FGF13: variants seen among roughly 807,000 people sequenced by gnomAD.
The protein encoded by FGF13 is fibroblast growth factor homologous factor 2.
A neutral mutation model predicts 19.5 loss-of-function variants in FGF13; 2 were observed. That is an observed-to-expected ratio of 0.10 (90% CI 0.04 to 0.32). The LOEUF (loss-of-function observed/expected upper bound fraction) is 0.32. Among genes scored for constraint, FGF13 ranks in the 10% least tolerant of loss-of-function variants. The pLI, the probability that FGF13 is intolerant of heterozygous loss-of-function variation, is 1.00. For synonymous variants in FGF13, 72 were observed against 76.9 expected (o/e 0.94, Z 0.33); for missense variants, 113 against 192.7 (o/e 0.59, Z 2.45).
intron 3 of FGF13, among the ~76,000 whole-genome samples, chrX:138,767,257 T>C (rs1390106049): frequency 8.9e-6 from 1 of 111,831 alleles, no homozygotes; most frequent in African/African-American, 3.3e-5. Context: ...AAATAAATAA[T>C]CTCACTCATA....
In FGF13 at chrX:138,633,002, A is replaced by C. The variant is rs767417759; in HGVS notation, c.602-16T>G. ...TACATGGCCACTGAAAAGCACACAA[A>C]GATGGTGTAAAAGGCCTTCAAATGG... On this transcript the variant is annotated splice_polypyrimidine_tract_variant and intron_variant, in intron 4 of 4. Transcript: ENST00000315930. 4 of 1,198,641 alleles carry C rather than the reference A, an allele frequency of 3.3e-6. No individual in the cohort carries two copies. The highest frequency in any genetic ancestry group is 4.4e-5 in the Admixed American group (2 of 45,230).
intron 1 of FGF13, among the ~76,000 whole-genome samples, chrX:138,908,238 AT>A (rs745634414): frequency 1.8e-3 from 183 of 100,572 alleles, no homozygotes; most frequent in Admixed American, 3.1e-3. Context: ...GCCCGGCTAA[AT>A]TTTTTTTTTT....
intron 3 of FGF13, among the ~76,000 whole-genome samples, chrX:138,657,510 T>C (rs939186783): frequency 1.4e-4 from 16 of 112,231 alleles, no homozygotes; most frequent in Non-Finnish European, 3.0e-4. Context: ...TCAAGCCACA[T>C]GGGTATGCAT....
At chrX:138,674,506 A>G (rs898553657) in intron 3 of FGF13, among the ~76,000 whole-genome samples, 1 of 111,133 alleles carries the variant, frequency 9.0e-6, no homozygotes, top group Non-Finnish European at 1.9e-5. Flanking sequence ...TGTGATTATT[A>G]TGAGGTCTGC....
chrX:139,108,345 C>T (rs931577517), intron 1 of FGF13, among the ~76,000 whole-genome samples: 3 of 111,518 alleles, frequency 2.7e-5, no homozygotes, highest in African/African-American at 9.8e-5. Flanking sequence ...CCTAATGTCT[C>T]GAAACCCCAG....
At chrX:139,101,474 G>A (rs917825307) in intron 1 of FGF13, among the ~76,000 whole-genome samples, 4 of 112,071 alleles carry the variant, frequency 3.6e-5, no homozygotes, top group Non-Finnish European at 7.5e-5. Context: ...ATATTTTTAC[G>A]TGTGAAACAG....
At position 138,711,588 on chromosome X, in the gene FGF13, C is replaced by T. The variant is rs983345647; in HGVS notation, c.-585G>A. 17 of 754,402 alleles carry T rather than the reference C, an allele frequency of 2.3e-5. No homozygotes were observed. Among genetic ancestry groups the T allele is most frequent in the African/African-American group, 4.6e-5 (2 of 43,653 alleles). The allele number at this position is 754,402 out of a possible 1,213,427, so 62.2% of individuals were successfully genotyped here. ...GGCGTGATAATCGGGAAAAGTTGGCCCGTGCCAGGTTTCCGACAGGGATCA... is the reference window on the plus strand; with the variant it reads ...GGCGTGATAATCGGGAAAAGTTGGCTCGTGCCAGGTTTCCGACAGGGATCA... On this transcript the variant is annotated 5_prime_UTR_variant, in exon 1 of 5. Coordinates refer to ENST00000315930, the MANE Select transcript of FGF13 (RefSeq NM_004114.5).
intron 3 of FGF13, among the ~76,000 whole-genome samples, chrX:138,673,909 A>G (rs1232747052): frequency 1.8e-5 from 2 of 111,465 alleles, no homozygotes; most frequent in African/African-American, 6.5e-5. Context: ...GTGGGTGAGT[A>G]GATATGGTGG....
intron 1 of FGF13, among the ~76,000 whole-genome samples, chrX:138,987,939 A>G (rs1442333005): frequency 2.7e-5 from 3 of 112,243 alleles, no homozygotes; most frequent in Non-Finnish European, 5.6e-5. Context: ...AATGAATTTT[A>G]TCATTACAAT....
At chrX:139,115,638 A>T (rs573249324) in intron 1 of FGF13, among the ~76,000 whole-genome samples, 1 of 112,651 alleles carries the variant, frequency 8.9e-6, no homozygotes, top group South Asian at 3.6e-4. Flanking sequence ...ACTTGAAGGA[A>T]ACATATTTAA....
At chrX:138,859,644 G>C (rs989921892) in intron 2 of FGF13, among the ~76,000 whole-genome samples, 4 of 111,867 alleles carry the variant, frequency 3.6e-5, no homozygotes, top group Non-Finnish European at 7.5e-5. Flanking sequence ...TTTCCCAGCT[G>C]GTCATTAATT....
chrX:139,004,350 G>A (rs760902429), intron 1 of FGF13, among the ~76,000 whole-genome samples: 74 of 112,937 alleles, frequency 6.6e-4, no homozygotes, highest in African/African-American at 2.2e-3. Flanking sequence ...ACGCCCACCC[G>A]GAACTCCAGC....
At position 139,079,909 on chromosome X, in the gene FGF13, A is replaced by G. The variant is rs1394678592; in HGVS notation, c.-113+123507T>C. ...TTAAATAAATTACTGAATCAAATGA[A>G]GGCACTTAGTGAAGTGCCTTCTTCA... On this transcript the variant is annotated intron_variant, in intron 1 of 2. Coordinates refer to the FGF13 transcript ENST00000421460. Among the ~76,000 whole-genome samples the G allele has an allele frequency of 1.8e-5, 2 of 110,791 alleles. 1 individual carries two copies. Among genetic ancestry groups the G allele is most frequent in the Non-Finnish European group, 3.8e-5 (2 of 52,992 alleles).
intron 3 of FGF13, among the ~76,000 whole-genome samples, chrX:138,842,446 A>G (rs2091155186): frequency 9.0e-6 from 1 of 110,879 alleles, no homozygotes; most frequent in Admixed American, 9.7e-5. Context: ...TAAAGGTTTG[A>G]GAAGGGCAGG....
chrX:138,799,776 T>C (rs1012528513), intron 3 of FGF13, among the ~76,000 whole-genome samples: 1 of 111,738 alleles, frequency 8.9e-6, no homozygotes, highest in African/African-American at 3.3e-5. Flanking sequence ...ATTGGGTGCA[T>C]ATATATTTAG....
Position 138,687,400 on chromosome X carries a change from AAT to A in FGF13, c.402+15582_402+15583del, listed in dbSNP as rs17510158. The stretch of plus-strand genomic sequence containing the variant: ...ACAACTCTTCAACAGACACATGAAA[AAT>A]ATGCTCAACATAACTAATCATCAGG... On this transcript the variant is annotated intron_variant, in intron 3 of 4. Coordinates refer to ENST00000315930, the MANE Select transcript of FGF13 (RefSeq NM_004114.5). Among the ~76,000 whole-genome samples, 589 of 112,512 alleles carry A rather than the reference AAT, an allele frequency of 5.2e-3. 2 individuals carry two copies. The highest frequency in any genetic ancestry group is 0.017 in the African/African-American group (521 of 30,996).
chrX:138,703,685 T>G (rs2089968389), intron 2 of FGF13, among the ~76,000 whole-genome samples: 1 of 111,894 alleles, frequency 8.9e-6, no homozygotes, highest in South Asian at 3.7e-4. Flanking sequence ...AAAAAGTCAT[T>G]TTGTAGTCCT....
intron 2 of FGF13, among the ~76,000 whole-genome samples, chrX:138,706,180 T>C (rs942403309): frequency 3.2e-5 from 3 of 93,280 alleles, no homozygotes; most frequent in African/African-American, 1.2e-4. Context: ...GAACTGATAA[T>C]GCTACCGTGA....
intron 1 of FGF13, among the ~76,000 whole-genome samples, chrX:138,895,405 G>T (rs933973133): frequency 9.0e-6 from 1 of 111,585 alleles, no homozygotes; most frequent in African/African-American, 3.3e-5. Context: ...ATGGGCAAAG[G>T]ATTCAAATAG....
Sources: allele counts gnomAD v4.1 joint callset (sites outside exome capture counted in the v4.1 genomes callset), GRCh38; gene constraint gnomAD v4.1.1; transcripts MANE v1.5; gene names NCBI Gene and HGNC (gene_info 2026-07-23, HGNC 2026-07-21).